Variants in HDAC9 observed in about 807,000 individuals in gnomAD.
HDAC9 encodes the protein MEF-2 interacting transcription repressor (MITR) protein.
A neutral mutation model predicts 139.4 loss-of-function variants in HDAC9; 41 were observed. The ratio of observed to expected loss-of-function variants is 0.29; its 90% CI spans 0.23 to 0.38. The LOEUF (loss-of-function observed/expected upper bound fraction) is 0.38, where lower values mean the gene tolerates loss of function less well. HDAC9 is among the 10% of genes least tolerant of loss of function. The pLI, the probability that HDAC9 is intolerant of heterozygous loss-of-function variation, is 1.00. For synonymous variants in HDAC9, 517 were observed against 476.2 expected, an observed-to-expected ratio of 1.09 and a Z score of -1.12; for missense variants, 1,147 against 1,297.0, an observed-to-expected ratio of 0.88 and a Z score of 1.78.
chr7:18,635,068 A>G (rs1783469055), intron 8 of HDAC9, among the ~76,000 whole-genome samples: 1 of 151,954 alleles, frequency 6.6e-6, no homozygotes, highest in African/African-American at 2.4e-5. Flanking sequence ...TTGGAAGGCA[A>G]TCTGGGCTTG....
intron 1 of HDAC9, among the ~76,000 whole-genome samples, chr7:18,464,833 A>G (rs897797899): frequency 3.9e-5 from 6 of 152,004 alleles, no homozygotes; most frequent in African/African-American, 7.2e-5. Context: ...CTGGACTTCA[A>G]TTTATGTCCT....
chr7:18,601,023 C>T (rs1833803466), intron 6 of HDAC9, among the ~76,000 whole-genome samples: 1 of 152,076 alleles, frequency 6.6e-6, no homozygotes, highest in African/African-American at 2.4e-5. Context: ...AAGTTACTTA[C>T]TGGGACTTTA....
At chr7:18,643,788 C>T (rs1465393947) in intron 8 of HDAC9, among the ~76,000 whole-genome samples, 1 of 152,070 alleles carries the variant, frequency 6.6e-6, no homozygotes, top group Non-Finnish European at 1.5e-5. Flanking sequence ...AAAGCAGCCA[C>T]TGTGTCATAC....
At chr7:18,628,461 A>G (rs1162198154) in intron 6 of HDAC9, among the ~76,000 whole-genome samples, 1 of 152,162 alleles carries the variant, frequency 6.6e-6, no homozygotes, top group Non-Finnish European at 1.5e-5. Flanking sequence ...GTTATGAGAA[A>G]TATCCTTTTC....
chr7:18,874,412 T>A, intron 21 of HDAC9, 66 bp from the exon 22 acceptor site: 1 of 959,768 alleles, frequency 1.0e-6, no homozygotes, highest in East Asian at 2.6e-5. Flanking sequence ...CAGGTCGTTT[T>A]CACTGAACGA....
upstream of HDAC9, among the ~76,000 whole-genome samples, chr7:18,286,663 G>A (rs908052953): frequency 6.6e-6 from 1 of 151,772 alleles, no homozygotes; most frequent in African/African-American, 2.4e-5. Flanking sequence ...GTTTAATAAA[G>A]TATTTTTTAA....
chr7:18,900,461 C>T (rs1023308537), intron 22 of HDAC9, among the ~76,000 whole-genome samples: 1 of 152,156 alleles, frequency 6.6e-6, no homozygotes, highest in Non-Finnish European at 1.5e-5. Context: ...TTTGCCCTGT[C>T]TGTCCCCTCT....
intron 22 of HDAC9, among the ~76,000 whole-genome samples, chr7:18,879,352 A>T (rs1799553368): frequency 6.6e-6 from 1 of 152,214 alleles, no homozygotes; most frequent in Non-Finnish European, 1.5e-5. Flanking sequence ...CCAAATAGCT[A>T]AGGCAATCCT....
chr7:18,533,714 T>C (rs1280213887), intron 2 of HDAC9, among the ~76,000 whole-genome samples: 1 of 152,188 alleles, frequency 6.6e-6, no homozygotes, highest in East Asian at 1.9e-4. Flanking sequence ...AGTATTTAGA[T>C]ACTCACTCGA....
intron 1 of HDAC9, among the ~76,000 whole-genome samples, chr7:18,343,905 A>C (rs1163826941): frequency 6.6e-6 from 1 of 151,946 alleles, no homozygotes; most frequent in African/African-American, 2.4e-5. Context: ...CCACTAAAGT[A>C]ATACATAGCC....
chr7:18,936,723 T>C (rs1781661553), intron 23 of HDAC9, among the ~76,000 whole-genome samples: 1 of 152,218 alleles, frequency 6.6e-6, no homozygotes, highest in Admixed American at 6.5e-5. Flanking sequence ...TGCCTTTCTT[T>C]TATGAATTTG....
intron 2 of HDAC9, among the ~76,000 whole-genome samples, chr7:18,509,756 T>C (rs1441523213): frequency 6.6e-6 from 1 of 152,122 alleles, no homozygotes; most frequent in Admixed American, 6.6e-5. Flanking sequence ...ATTTTTTTTC[T>C]CTTTCTCCCT....
At chr7:18,988,367 G>A (rs1476572411) in intron 25 of HDAC9, among the ~76,000 whole-genome samples, 1 of 152,028 alleles carries the variant, frequency 6.6e-6, no homozygotes, top group Non-Finnish European at 1.5e-5. Context: ...ATGTAGTTGA[G>A]CGGTTTTGAG....
chr7:18,139,230 A>G (rs907657681), intron 1 of HDAC9, among the ~76,000 whole-genome samples: 4 of 147,612 alleles, frequency 2.7e-5, no homozygotes, highest in African/African-American at 7.5e-5. Context: ...GGCTCAAGCT[A>G]TCCTCCTGCC....
chr7:18,377,807 A>T (rs929815569), intron 1 of HDAC9, among the ~76,000 whole-genome samples: 18 of 152,164 alleles, frequency 1.2e-4, no homozygotes, highest in African/African-American at 3.9e-4. Context: ...TTTAAGCATT[A>T]AAAAAATCTG....
At chr7:18,981,437 C>A (rs1784943831) in intron 25 of HDAC9, among the ~76,000 whole-genome samples, 1 of 152,164 alleles carries the variant, frequency 6.6e-6, no homozygotes, top group Non-Finnish European at 1.5e-5. Context: ...GCTTAAAACA[C>A]ACAAAGTTTG....
intron 12 of HDAC9, among the ~76,000 whole-genome samples, chr7:18,694,458 G>A (rs894209063): frequency 6.6e-6 from 1 of 152,088 alleles, no homozygotes; most frequent in Non-Finnish European, 1.5e-5. Context: ...AATGGGGTTG[G>A]TGTCTCGGGA....
chr7:18,979,553 G>A (rs1784763434), intron 25 of HDAC9, among the ~76,000 whole-genome samples: 1 of 152,094 alleles, frequency 6.6e-6, no homozygotes, highest in South Asian at 2.1e-4. Context: ...TGTGCGTTAG[G>A]CTGTTCTTGC....
intron 17 of HDAC9, among the ~76,000 whole-genome samples, chr7:18,815,384 A>G (rs17140014): frequency 0.025 from 3,882 of 152,262 alleles, 161 homozygotes; most frequent in African/African-American, 0.087. Flanking sequence ...ATTGCTTTCA[A>G]TGGGTTATTA....
Sources: allele counts gnomAD v4.1 joint callset (sites outside exome capture counted in the v4.1 genomes callset), GRCh38; gene constraint gnomAD v4.1.1; transcripts MANE v1.5; gene names NCBI Gene and HGNC (gene_info 2026-07-23, HGNC 2026-07-21).